Variants in GMIP observed in about 807,000 individuals in gnomAD.
GMIP encodes GEM-interacting protein.
Under a neutral mutation model 105.3 loss-of-function variants are expected in GMIP, and 54 were observed. That is an observed-to-expected ratio of 0.51 (90% CI 0.41 to 0.64). The LOEUF (loss-of-function observed/expected upper bound fraction) is 0.64, where lower values mean the gene tolerates loss of function less well. Ranked by LOEUF, GMIP falls within the 30% of genes least tolerant of loss-of-function variation. The probability of loss-of-function intolerance (pLI) is 0.00; values close to 1 mark genes in which losing one functional copy is unlikely to be tolerated. For synonymous variants in GMIP, 541 were observed against 560.8 expected (o/e 0.96, Z 0.50); for missense variants, 1,110 against 1,319.4 (o/e 0.84, Z 2.46).
chr19:19,635,203 G>C lies in GMIP; in HGVS notation c.1571C>G (p.Thr524Ser). Residue 524 changes from threonine (T) to serine (S), a missense_variant, in exon 16 of 21, where the codon ACC (threonine) becomes AGC (serine). By Grantham distance (58) the Thr-to-Ser change is moderately conservative. Coordinates refer to ENST00000203556, the MANE Select transcript of GMIP (RefSeq NM_016573.4). This position sits in a 1 kb window ranked among gnomAD's most constrained non-coding sequence, Gnocchi z 4.7. ...AGTCTCCAGGCAGCGCTTGTGGCAG[G>C]TCAGAAAGCACTGTGGGGAAGGTCA... ...SGTECEECFL[T>S]CHKRCLETLL... The C allele has an allele frequency of 6.2e-7, 1 of 1,612,080 alleles. No homozygotes were observed. The highest frequency in any genetic ancestry group is 8.5e-7 in the Non-Finnish European group (1 of 1,178,992).
At position 19,634,300 on chromosome 19, in the gene GMIP, G is replaced by A; in HGVS notation, c.2085-110C>T. 8.2e-7 allele frequency: 1 copy of A among 1,218,054 alleles called. No individual in the cohort carries two copies. Among genetic ancestry groups the A allele is most frequent in the Non-Finnish European group, 1.1e-6 (1 of 889,488 alleles). 75.5% of individuals were successfully genotyped at this position (1,218,054 alleles called of 1,614,324 possible). A position where few individuals can be genotyped will look rare whatever the true frequency, so the allele number is the denominator to read the frequency against. On this transcript the variant is annotated intron_variant, in intron 18 of 20. Coordinates refer to ENST00000203556, the MANE Select transcript of GMIP (RefSeq NM_016573.4). This position sits in a 1 kb window ranked among gnomAD's most constrained non-coding sequence, Gnocchi z 6.1. ...TAGAGGTGACTTGCCCATGTCACAGGTGTAAGTCGTCTGAGACCAGCAGCC... is the reference window on the plus strand; with the variant it reads ...TAGAGGTGACTTGCCCATGTCACAGATGTAAGTCGTCTGAGACCAGCAGCC...
Position 19,635,386 on chromosome 19 carries a change from G to A in GMIP, c.1560+29C>T. 1 of 1,602,554 alleles carries A rather than the reference G, an allele frequency of 6.2e-7. No homozygotes were observed. Among genetic ancestry groups the A allele is most frequent in the Admixed American group, 1.7e-5 (1 of 59,532 alleles). On this transcript the variant is annotated intron_variant, in intron 15 of 20. Coordinates refer to ENST00000203556, the MANE Select transcript of GMIP (RefSeq NM_016573.4). The surrounding 1 kb of genome is among the most constrained non-coding windows in gnomAD (Gnocchi z 4.7). ...AGGGAGATGATCAAGGGTCAGCAAA[G>A]GTCATTTGGTCATTAACCCAGGCCA...
rs1568409678 is a variant in GMIP, at chr19:19,630,337, C to G, written c.2540-1G>C. 6.5e-7 allele frequency: 1 copy of G among 1,540,864 alleles called. No homozygotes were observed. The highest frequency in any genetic ancestry group is 1.3e-5 in the South Asian group (1 of 78,936). ...GAGTCCTCTGGGCCTTGGCTGGACA[C>G]TGTGTACGGGGTGGGTGGTCAGTGC... On this transcript the variant is annotated splice_acceptor_variant, in intron 20 of 20. Transcript: ENST00000203556. LOFTEE classifies it high-confidence loss of function. The surrounding 1 kb of genome is among the most constrained non-coding windows in gnomAD (Gnocchi z 4.8).
chr19:19,641,063 G>T (rs559616739), intron 4 of GMIP, among the ~76,000 whole-genome samples: 2 of 151,820 alleles, frequency 1.3e-5, no homozygotes, highest in Non-Finnish European at 2.9e-5. Context: ...CACCGTGCCC[G>T]GCCTGTGTTT....
rs1446884362 is a variant in GMIP at position 19,637,483 on chromosome 19, AGCACTCG to A, written c.999_1005del (p.Glu334ValfsTer38). The A allele has an allele frequency of 6.5e-7, 1 of 1,540,524 alleles. No individual in the cohort carries two copies. Among genetic ancestry groups the A allele is most frequent in the Middle Eastern group, 1.7e-4 (1 of 5,734 alleles). Reference sequence around the variant, plus strand: ...CGCTGGCCCGGCTCAAAGGGCGCACAGCACTCGGCCAGGGCGGCGAAGGCGCGGGGGC... The same window carrying A: ...CGCTGGCCCGGCTCAAAGGGCGCACAGCCAGGGCGGCGAAGGCGCGGGGGC... On this transcript the variant is annotated frameshift_variant, in exon 11 of 21. Transcript: ENST00000203556. LOFTEE classifies it high-confidence loss of function. The surrounding 1 kb of genome is among the most constrained non-coding windows in gnomAD (Gnocchi z 6.7).
In GMIP at chr19:19,638,332, G is replaced by C. The variant is rs748217832; in HGVS notation, c.619-3C>G. 2 of 1,567,098 alleles carry C rather than the reference G, an allele frequency of 1.3e-6. No individual in the cohort carries two copies. The highest frequency in any genetic ancestry group is 1.4e-5 in the African/African-American group (1 of 73,950). On this transcript the variant is annotated splice_region_variant and splice_polypyrimidine_tract_variant and intron_variant, in intron 8 of 20. Coordinates refer to ENST00000203556, the MANE Select transcript of GMIP (RefSeq NM_016573.4). ...CGCAGTGCCTGCACCGCCTCATTCT[G>C]GGGGATGATGAGAAGGTCAGCGTCC...
rs572864861 is a variant in GMIP at position 19,635,752 on chromosome 19, G to A, written c.1328-31C>T. On this transcript the variant is annotated intron_variant, in intron 13 of 20. Transcript: ENST00000203556. The surrounding 1 kb of genome is among the most constrained non-coding windows in gnomAD (Gnocchi z 4.7). ...GTCAGAGGAATCATGGGAGATTCCTGGGCTATGGGAGGCACTCCTGGTTTT... is the reference window on the plus strand; with the variant it reads ...GTCAGAGGAATCATGGGAGATTCCTAGGCTATGGGAGGCACTCCTGGTTTT... The A allele has an allele frequency of 1.0e-5, 16 of 1,579,888 alleles. No individual in the cohort carries two copies. The highest frequency in any genetic ancestry group is 2.7e-5 in the African/African-American group (2 of 74,402).
Position 19,635,403 on chromosome 19 carries a change from C to T in GMIP, c.1560+12G>A. 1.2e-6 allele frequency: 2 copies of T among 1,607,386 alleles called. No homozygotes were observed. The highest frequency in any genetic ancestry group is 1.3e-5 in the African/African-American group (1 of 74,956). ...TCAGCAAAGGTCATTTGGTCATTAA[C>T]CCAGGCCACACCTCCTCACACTCCG... On this transcript the variant is annotated intron_variant, in intron 15 of 20. Coordinates refer to ENST00000203556, the MANE Select transcript of GMIP (RefSeq NM_016573.4). This position sits in a 1 kb window ranked among gnomAD's most constrained non-coding sequence, Gnocchi z 4.7.
intron 7 of GMIP, 22 bp downstream of exon 7, chr19:19,640,063 C>T (rs1315144958): frequency 7.3e-7 from 1 of 1,373,914 alleles, no homozygotes; most frequent in Non-Finnish European, 1.0e-6. Context: ...ACCTCTGTAA[C>T]ATTCCACCCT....
In GMIP at chr19:19,637,530, GC is replaced by G. The variant is rs1229750903; in HGVS notation, c.958del (p.Ala320ArgfsTer54). ...VTLSLFGLRG[A>X]QAERGPRAFA... Reference sequence around the variant, plus strand: ...GGCGCGGGGGCCACGCTCTGCCTGCGCCCCCCGCAGCCCGAAGAGACTCAGC... The same window carrying G: ...GGCGCGGGGGCCACGCTCTGCCTGCGCCCCCGCAGCCCGAAGAGACTCAGC... On this transcript the variant is annotated frameshift_variant, in exon 11 of 21. Transcript: ENST00000203556. LOFTEE classifies it high-confidence loss of function. The surrounding 1 kb of genome is among the most constrained non-coding windows in gnomAD (Gnocchi z 6.7). 2 of 1,532,930 alleles carry G rather than the reference GC, an allele frequency of 1.3e-6. No individual in the cohort carries two copies. The highest frequency in any genetic ancestry group is 2.1e-5 in the Admixed American group (1 of 48,366). The allele number at this position is 1,532,930 out of a possible 1,614,324, so 95.0% of individuals were successfully genotyped here. A position where few individuals can be genotyped will look rare whatever the true frequency, so the allele number is the denominator to read the frequency against.
Position 19,635,162 on chromosome 19 carries a change from C to T in GMIP, c.1612G>A (p.Gly538Arg). Residue 538 changes from glycine to arginine, a missense_variant, in exon 16 of 21, where the codon GGA becomes AGA. Gly to Arg is a moderately radical substitution (Grantham distance 125, BLOSUM62 -2). Transcript: ENST00000203556. This position sits in a 1 kb window ranked among gnomAD's most constrained non-coding sequence, Gnocchi z 4.7. ...RCLETLLILCGHRRLPARTPL... is the reference protein window; with the variant it reads ...RCLETLLILCRHRRLPARTPL... ...GTCCGGGCTGGGAGCCGCCTGTGTCCACAGAGGATCAGGAGAGTCTCCAGG... is the reference window on the plus strand; with the variant it reads ...GTCCGGGCTGGGAGCCGCCTGTGTCTACAGAGGATCAGGAGAGTCTCCAGG... 1 of 1,613,856 alleles carries T rather than the reference C, an allele frequency of 6.2e-7. No individual in the cohort carries two copies.
chr19:19,636,078 C>T (rs1310944928), intron 13 of GMIP, among the ~76,000 whole-genome samples: 4 of 151,832 alleles, frequency 2.6e-5, no homozygotes, highest in Non-Finnish European at 4.4e-5. Flanking sequence ...GTGGCAGGCA[C>T]CTGTAGTCCC....
chr19:19,632,326 G>A (rs1333458925), intron 19 of GMIP, among the ~76,000 whole-genome samples: 1 of 152,030 alleles, frequency 6.6e-6, no homozygotes, highest in Non-Finnish European at 1.5e-5. Flanking sequence ...GCGGCCGGGT[G>A]TGGTGGCTCA....
intron 7 of GMIP, among the ~76,000 whole-genome samples, chr19:19,639,788 G>T (rs749503133): frequency 5.9e-5 from 9 of 152,222 alleles, no homozygotes; most frequent in Non-Finnish European, 1.2e-4. Context: ...AGCGGAGGTT[G>T]CAGTGAGCTG....
At chr19:19,639,879 A>G (rs1022750535) in intron 7 of GMIP, among the ~76,000 whole-genome samples, 2 of 152,122 alleles carry the variant, frequency 1.3e-5, no homozygotes, top group African/African-American at 4.8e-5. Flanking sequence ...AAGTTTTGCA[A>G]TTGCACAGGA....
rs763201996 is a variant in GMIP, at chr19:19,640,171, T to C, written c.451A>G (p.Ile151Val). 5 of 1,612,164 alleles carry C rather than the reference T, an allele frequency of 3.1e-6. No individual in the cohort carries two copies. The highest frequency in any genetic ancestry group is 1.3e-5 in the African/African-American group (1 of 74,492). Residue 151 changes from isoleucine (I) to valine (V), a missense_variant, in exon 7 of 21, where the codon ATC becomes GTC. Physicochemically the swap from Ile to Val is conservative, Grantham distance 29. Coordinates refer to ENST00000203556, the MANE Select transcript of GMIP (RefSeq NM_016573.4). ...TCGTGCTCCAGAAACAGGGTGTAGA[T>C]GTACTGCAGAGGCATGTGGCTCTGG... ...QQQSHMPLQY[I>V]YTLFLEHDLS...
At chr19:19,641,445 C>T (rs960704260) in intron 4 of GMIP, among the ~76,000 whole-genome samples, 1 of 152,196 alleles carries the variant, frequency 6.6e-6, no homozygotes. Flanking sequence ...GTGGCACAAT[C>T]GTATCTCACT....
Position 19,634,863 on chromosome 19 carries a change from G to A in GMIP, c.1816C>T (p.Arg606Ter), listed in dbSNP as rs747387798. Residue 606 changes from arginine (R) to a stop codon, truncating the protein, a stop_gained, in exon 17 of 21, where the codon CGA becomes TGA. Coordinates refer to ENST00000203556, the MANE Select transcript of GMIP (RefSeq NM_016573.4). LOFTEE classifies it high-confidence loss of function. This position sits in a 1 kb window ranked among gnomAD's most constrained non-coding sequence, Gnocchi z 6.1. ...TTCCCCGACAGCTCCACCAACGCTC[G>A]GCCATTCTCGAAAGCCTGGCACAGC... is the stretch of plus-strand genomic sequence containing the variant. ...ERLCQAFENGRALVELSGNSP... is the reference protein window; with the variant it reads ...ERLCQAFENG The A allele has an allele frequency of 1.9e-6, 3 of 1,613,950 alleles. No homozygotes were observed. Among genetic ancestry groups the A allele is most frequent in the East Asian group, 2.2e-5 (1 of 44,878 alleles).
At chr19:19,636,889 A>AC in intron 12 of GMIP, 28 bp downstream of exon 12, 2 of 1,548,962 alleles carry the variant, frequency 1.3e-6, no homozygotes, top group Non-Finnish European at 1.8e-6. Flanking sequence ...TCCTGGCACC[A>AC]CTCCCACCTG....
Sources: allele counts gnomAD v4.1 joint callset (sites outside exome capture counted in the v4.1 genomes callset), GRCh38; gene constraint gnomAD v4.1.1; non-coding constraint Gnocchi (gnomAD v3.1); transcripts MANE v1.5; gene names NCBI Gene and HGNC (gene_info 2026-07-23, HGNC 2026-07-21).